TMEM230: variants seen among roughly 807,000 people sequenced by gnomAD.
TMEM230 encodes the protein UPF0414 transmembrane protein C20orf30.
In TMEM230, 10 loss-of-function variants were observed where a neutral mutation model predicts 15.8. The observed-to-expected ratio is 0.63, with a 90% confidence interval of 0.39 to 1.07. The LOEUF is 1.07. Among genes scored for constraint, TMEM230 ranks in the 50% least tolerant of loss-of-function variants. The pLI, the probability that TMEM230 is intolerant of heterozygous loss-of-function variation, is 0.01. For synonymous variants in TMEM230, 67 were observed against 76.9 expected (o/e 0.87, Z 0.68); for missense variants, 165 against 193.3 (o/e 0.85, Z 0.87).
intron 3 of TMEM230, 32 bp from the exon 3 acceptor site, chr20:5,106,342 G>A (rs2090092305): frequency 3.8e-6 from 6 of 1,573,792 alleles, no homozygotes; most frequent in East Asian, 2.3e-5. Flanking sequence ...AAAAGACAAC[G>A]AAGAACATTA....
chr20:5,077,183 T>C (rs2089030928), intron 3 of TMEM230, among the ~76,000 whole-genome samples: 3 of 152,014 alleles, frequency 2.0e-5, no homozygotes, highest in Admixed American at 2.0e-4. Context: ...GGCATGTGCC[T>C]GTAGTCCCAG....
chr20:5,071,405 A>G (rs1367163563), intron 3 of TMEM230, among the ~76,000 whole-genome samples: 1 of 151,970 alleles, frequency 6.6e-6, no homozygotes, highest in African/African-American at 2.4e-5. Flanking sequence ...CAGGCAGATC[A>G]CCTCAGGTCA....
At position 5,100,846 on chromosome 20, in the gene TMEM230, G is replaced by A. The variant is rs1405909337; in HGVS notation, c.497C>T (p.Ala166Val). 1 of 1,614,174 alleles carries A rather than the reference G, an allele frequency of 6.2e-7. No homozygotes were observed. Among genetic ancestry groups the A allele is most frequent in the East Asian group, 2.2e-5 (1 of 44,888 alleles). The stretch of plus-strand genomic sequence containing the variant: ...GGAGTAACCACGGTAGCCTTTGGAT[G>A]CATAGTAAGCGATGCGCAGGTGGTA... Residue 166 changes from alanine (A) to valine (V), a missense_variant, in exon 5 of 5, where the codon GCA (alanine) becomes GTA (valine). By Grantham distance (64) the Ala-to-Val change is moderately conservative. Transcript: ENST00000342308.
chr20:5,064,400 A>G (rs1909762201), downstream of TMEM230, among the ~76,000 whole-genome samples: 2 of 151,368 alleles, frequency 1.3e-5, no homozygotes, highest in Admixed American at 1.3e-4. Flanking sequence ...AACATGGAGA[A>G]ACCCCATCTC....
intron 3 of TMEM230, among the ~76,000 whole-genome samples, chr20:5,087,565 A>C (rs1196485480): frequency 6.7e-6 from 1 of 150,138 alleles, no homozygotes; most frequent in South Asian, 2.1e-4. Context: ...TACAATCTAC[A>C]ACCTCTACCT....
chr20:5,078,711 A>G (rs1452983414), intron 3 of TMEM230, among the ~76,000 whole-genome samples: 2 of 152,204 alleles, frequency 1.3e-5, no homozygotes, highest in African/African-American at 4.8e-5. Context: ...CGCCAAGGCA[A>G]GTCATGTGGC....
At chr20:5,078,763 G>C (rs1002816814) in intron 3 of TMEM230, among the ~76,000 whole-genome samples, 1 of 152,164 alleles carries the variant, frequency 6.6e-6, no homozygotes, top group Non-Finnish European at 1.5e-5. Flanking sequence ...ATCCAAACAT[G>C]AGCCCACAGA....
the TMEM230 span, chr20:5,061,189 A>G: frequency 6.6e-6 from 1 of 152,158 alleles, no homozygotes; most frequent in Non-Finnish European, 1.5e-5. Flanking sequence ...TTTCTTGAAT[A>G]ATGCATCATT....
intron 3 of TMEM230, among the ~76,000 whole-genome samples, chr20:5,075,783 T>G (rs907844231): frequency 6.6e-6 from 1 of 151,994 alleles, no homozygotes; most frequent in African/African-American, 2.4e-5. Context: ...GGGCCCAACC[T>G]CATGACATCC....
chr20:5,059,625 T>TCCC, the TMEM230 span, among the ~76,000 whole-genome samples: 2 of 151,900 alleles, frequency 1.3e-5, no homozygotes, highest in African/African-American at 2.4e-5. Flanking sequence ...TTTATTTTTG[T>TCCC]TTTTGAGAGA....
chr20:5,075,916 C>T (rs2088978216), intron 3 of TMEM230, among the ~76,000 whole-genome samples: 1 of 151,858 alleles, frequency 6.6e-6, no homozygotes, highest in Non-Finnish European at 1.5e-5. Context: ...CCAGCCTGGG[C>T]CACATAGCAA....
intron 3 of TMEM230, among the ~76,000 whole-genome samples, chr20:5,081,574 G>A (rs1311232056): frequency 6.6e-6 from 1 of 152,204 alleles, no homozygotes; most frequent in East Asian, 1.9e-4. Context: ...ATGCCCAAAT[G>A]GGGTGCAGAA....
chr20:5,103,741 G>C (rs1289515035), intron 4 of TMEM230, among the ~76,000 whole-genome samples: 5 of 151,754 alleles, frequency 3.3e-5, no homozygotes, highest in African/African-American at 1.2e-4. Context: ...ATATGCTGAA[G>C]AATGAAACTA....
intron 3 of TMEM230, among the ~76,000 whole-genome samples, chr20:5,094,052 G>C (rs565791467): frequency 6.6e-6 from 1 of 151,370 alleles, no homozygotes; most frequent in African/African-American, 2.4e-5. Context: ...TCTGCCTCCC[G>C]GGTTCAAGCG....
At chr20:5,069,428 A>G in intron 3 of TMEM230, 1 of 1,408,704 alleles carries the variant, frequency 7.1e-7, no homozygotes, top group Non-Finnish European at 9.4e-7. Flanking sequence ...TTGTCAAGAA[A>G]TCACATCTTA....
chr20:5,095,038 T>G (rs1203962266), downstream of TMEM230, among the ~76,000 whole-genome samples: 4 of 152,156 alleles, frequency 2.6e-5, no homozygotes, highest in Non-Finnish European at 4.4e-5. Flanking sequence ...GCTGCTGCCA[T>G]TAGTTCAGCT....
chr20:5,097,969 ATTTTTTT>A (rs5840073), downstream of TMEM230, among the ~76,000 whole-genome samples: 9 of 67,254 alleles, frequency 1.3e-4, no homozygotes, highest in East Asian at 1.0e-3. Flanking sequence ...CTAACTCAGG[ATTTTTTT>A]TTTTTTTTTT....
At chr20:5,087,672 G>A (rs2122633641) in intron 3 of TMEM230, among the ~76,000 whole-genome samples, 1 of 146,368 alleles carries the variant, frequency 6.8e-6, no homozygotes, top group Non-Finnish European at 1.5e-5. Context: ...CCTAAATCTG[G>A]TAAATAGGCC....
At chr20:5,062,000 C>A in the TMEM230 span, among the ~76,000 whole-genome samples, 1 of 151,430 alleles carries the variant, frequency 6.6e-6, no homozygotes, top group African/African-American at 2.4e-5. Flanking sequence ...GCGGGCAGAT[C>A]ACCTGAGGTC....
Sources: gnomAD v4.1 joint callset for allele counts (sites outside exome capture counted in the v4.1 genomes callset) on GRCh38, gnomAD v4.1.1 for gene constraint, MANE v1.5 for transcripts, NCBI Gene and HGNC (gene_info 2026-07-23, HGNC 2026-07-21) for gene names.